The following TUBA4B variants were observed in gnomAD, a reference collection of about 807,000 sequenced individuals.
TUBA4B encodes the protein tubulin-like protein alpha-4B.
Under a neutral mutation model 18.4 loss-of-function variants are expected in TUBA4B, and 13 were observed. The observed-to-expected ratio is 0.71, with a 90% CI of 0.46 to 1.12. TUBA4B has a LOEUF of 1.12. TUBA4B is among the 50% of genes most tolerant of loss of function. TUBA4B has a pLI of 0.00. For synonymous variants in TUBA4B, 101 were observed against 99.1 expected, an observed-to-expected ratio of 1.02 and a Z score of -0.11; for missense variants, 244 against 250.0, an observed-to-expected ratio of 0.98 and a Z score of 0.16.
chr2:219,261,803 T>A (rs1445191893), intron 1 of TUBA4B, among the ~76,000 whole-genome samples: 1 of 152,168 alleles, frequency 6.6e-6, no homozygotes, highest in East Asian at 1.9e-4. Flanking sequence ...TTTCAAACCC[T>A]CCTGTTACAC....
rs1260471727 is a variant in TUBA4B, at chr2:219,265,853, G to A, written c.13-668G>A. On this transcript the variant is annotated intron_variant, in intron 1 of 3. Transcript: ENST00000490341. The stretch of plus-strand genomic sequence containing the variant: ...GCTTTGCCCTTGGAGAGCAACAGCT[G>A]TTTTGGACTAAGCACTTAAGAAAGG... Among the ~76,000 whole-genome samples, 7 of 152,308 alleles carry A rather than the reference G, an allele frequency of 4.6e-5. No individual in the cohort carries two copies. In the East Asian group the frequency reaches 1.2e-3, roughly 25 times the overall value.
rs112116054 is a variant in TUBA4B at position 219,255,341 on chromosome 2, C to A, written c.12+1922C>A. Among the ~76,000 whole-genome samples, 801 of 152,268 alleles carry A rather than the reference C, an allele frequency of 5.3e-3. 11 individuals are homozygous for A. Among genetic ancestry groups the A allele is most frequent in the African/African-American group, 0.018 (750 of 41,544 alleles). ...TCAACACCTGCCTCGCGGGTTCTAG[C>A]GATTCTCCTGCCTCAGCCTCTGGAG... On this transcript the variant is annotated intron_variant, in intron 1 of 3. Coordinates refer to ENST00000490341, the MANE Select transcript of TUBA4B (RefSeq NM_001355221.1).
intron 1 of TUBA4B, among the ~76,000 whole-genome samples, chr2:219,259,124 TAATA>T (rs58291199): frequency 0.65 from 87,373 of 134,124 alleles, 29,538 homozygotes; most frequent in Non-Finnish European, 0.73. Context: ...CTACTAAAAA[TAATA>T]AATAAATAAA....
At chr2:219,263,656 G>A (rs1015449501) in intron 1 of TUBA4B, among the ~76,000 whole-genome samples, 1 of 152,276 alleles carries the variant, frequency 6.6e-6, no homozygotes, top group East Asian at 1.9e-4. Context: ...TAATTCCTGA[G>A]GTCCATGGTT....
In TUBA4B at chr2:219,259,172, T is replaced by A. The variant is rs190437974; in HGVS notation, c.12+5753T>A. ...TAAATAAATAAATAAATAAATAAAT[T>A]ATCCGGGCATGGTGGCAGGCACCTG... On this transcript the variant is annotated intron_variant, in intron 1 of 3. Transcript: ENST00000490341. 1.6e-4 allele frequency among the ~76,000 whole-genome samples: 23 copies of A among 145,588 alleles called. No homozygotes were observed. In the South Asian group the frequency reaches 2.4e-3, roughly 15 times the overall value.
At chr2:219,259,811 A>G (rs1353754808) in intron 1 of TUBA4B, among the ~76,000 whole-genome samples, 1 of 152,166 alleles carries the variant, frequency 6.6e-6, no homozygotes, top group East Asian at 1.9e-4. Context: ...CAGTTTTTCC[A>G]GACTAGAGCA....
At chr2:219,270,166 C>T in intron 2 of TUBA4B, 36 bp from the exon 3 acceptor site, 2 of 707,282 alleles carry the variant, frequency 2.8e-6, no homozygotes, top group Admixed American at 4.0e-5. Flanking sequence ...GAGGTGGGGC[C>T]CAAAACTCTG....
chr2:219,265,212 C>T (rs529399467), intron 1 of TUBA4B, among the ~76,000 whole-genome samples: 1 of 152,290 alleles, frequency 6.6e-6, no homozygotes, highest in African/African-American at 2.4e-5. Flanking sequence ...TTAATTAATC[C>T]CCATGTGACC....
chr2:219,266,099 AC>A (rs1254671693), intron 1 of TUBA4B: 1 of 168,490 alleles, frequency 5.9e-6, no homozygotes, highest in Non-Finnish European at 1.3e-5. Flanking sequence ...TCTTAGTCCC[AC>A]CCACAGTCGA....
At chr2:219,261,746 G>A (rs916579524) in intron 1 of TUBA4B, among the ~76,000 whole-genome samples, 18 of 152,168 alleles carry the variant, frequency 1.2e-4, no homozygotes, top group African/African-American at 4.1e-4. Flanking sequence ...TCTCCACACA[G>A]CAGCTGCAGT....
chr2:219,266,699 GAA>G, intron 2 of TUBA4B, 133 bp downstream of exon 2: 1 of 627,394 alleles, frequency 1.6e-6, no homozygotes, highest in Non-Finnish European at 2.9e-6. Flanking sequence ...TGGGGAGAGG[GAA>G]AGAGACTTCC....
At chr2:219,259,701 T>C (rs1951748216) in intron 1 of TUBA4B, among the ~76,000 whole-genome samples, 1 of 152,170 alleles carries the variant, frequency 6.6e-6, no homozygotes, top group Non-Finnish European at 1.5e-5. Flanking sequence ...GGGTCTCACC[T>C]TTATCTTGGA....
chr2:219,258,881 A>C (rs1032718675), intron 1 of TUBA4B, among the ~76,000 whole-genome samples: 1 of 152,110 alleles, frequency 6.6e-6, no homozygotes, highest in African/African-American at 2.4e-5. Context: ...TCATACGATC[A>C]GCCCACGTTA....
intron 1 of TUBA4B, among the ~76,000 whole-genome samples, chr2:219,260,561 A>T (rs1364537499): frequency 6.6e-6 from 1 of 152,180 alleles, no homozygotes; most frequent in African/African-American, 2.4e-5. Context: ...GAGACATCTC[A>T]AACATAACAC....
chr2:219,259,362 T>C (rs1160069909), intron 1 of TUBA4B, among the ~76,000 whole-genome samples: 3 of 147,472 alleles, frequency 2.0e-5, no homozygotes, highest in Non-Finnish European at 4.5e-5. Context: ...GGCATGTTAG[T>C]GAAATACAGA....
At chr2:219,258,512 T>C (rs1162227848) in intron 1 of TUBA4B, among the ~76,000 whole-genome samples, 4 of 149,538 alleles carry the variant, frequency 2.7e-5, no homozygotes, top group Non-Finnish European at 5.9e-5. Flanking sequence ...GTATTATTAG[T>C]AGAGATGGGG....
At position 219,271,152 on chromosome 2, in the gene TUBA4B, C is replaced by A; in HGVS notation, c.193-14C>A. ...GCTCCATGCCCCACATTTCCCCTCC[C>A]CTTCCCTGTCTAGGCTGACCAGTGC... On this transcript the variant is annotated splice_polypyrimidine_tract_variant and intron_variant, in intron 3 of 3. Transcript: ENST00000490341. 1.2e-6 allele frequency: 1 copy of A among 817,452 alleles called. No homozygotes were observed. The highest frequency in any genetic ancestry group is 1.4e-5 in the South Asian group (1 of 69,146). 50.6% of individuals were successfully genotyped at this position (817,452 alleles called of 1,614,324 possible).
intron 1 of TUBA4B, chr2:219,254,038 C>T: frequency 1.8e-6 from 1 of 549,318 alleles, no homozygotes; most frequent in Non-Finnish European, 3.0e-6. Context: ...TAAGCGGCCC[C>T]CCCGAGGGGC....
chr2:219,271,046 T>C (rs751887627), intron 3 of TUBA4B, 120 bp from the exon 4 acceptor site: 2 of 606,408 alleles, frequency 3.3e-6, no homozygotes, highest in Non-Finnish European at 2.9e-6. Flanking sequence ...TTTGTGCTCT[T>C]GGAAAAGTCT....
Sources: allele counts gnomAD v4.1 joint callset (sites outside exome capture counted in the v4.1 genomes callset), GRCh38; gene constraint gnomAD v4.1.1; transcripts MANE v1.5; gene names NCBI Gene and HGNC (gene_info 2026-07-23, HGNC 2026-07-21).